Variants in FER observed in about 807,000 individuals in gnomAD.
FER encodes tyrosine-protein kinase Fer.
In FER, 63 loss-of-function variants were observed where a neutral mutation model predicts 111.0. The ratio of observed to expected loss-of-function variants is 0.57; its 90% CI spans 0.46 to 0.70. The LOEUF is 0.70. Ranked by LOEUF, FER falls within the 30% of genes least tolerant of loss-of-function variation. The pLI, the probability that FER is intolerant of heterozygous loss-of-function variation, is 0.00. For synonymous variants in FER, 327 were observed against 313.9 expected (o/e 1.04, Z -0.44); for missense variants, 914 against 954.0 (o/e 0.96, Z 0.55).
intron 3 of FER, among the ~76,000 whole-genome samples, chr5:108,820,729 A>T (rs1038615051): frequency 3.9e-5 from 6 of 152,146 alleles, no homozygotes; most frequent in African/African-American, 9.7e-5. Flanking sequence ...GGTTTTATTT[A>T]AAAAATTTAG....
intron 16 of FER, among the ~76,000 whole-genome samples, chr5:109,052,833 G>GTA (rs1351668228): frequency 6.6e-6 from 1 of 152,186 alleles, no homozygotes; most frequent in Non-Finnish European, 1.5e-5. Flanking sequence ...GTCTACCACA[G>GTA]TAGATTTTGC....
intron 17 of FER, among the ~76,000 whole-genome samples, chr5:109,144,648 C>T (rs1412626502): frequency 6.6e-6 from 1 of 152,046 alleles, no homozygotes; most frequent in Non-Finnish European, 1.5e-5. Flanking sequence ...ACTTAGCTAA[C>T]CAGAACACAA....
At chr5:109,146,741 G>T (rs1448066418) in intron 17 of FER, among the ~76,000 whole-genome samples, 1 of 150,832 alleles carries the variant, frequency 6.6e-6, no homozygotes, top group Non-Finnish European at 1.5e-5. Context: ...TGCCAGAGAT[G>T]CAGTACTGAC....
chr5:108,757,361 T>C (rs1338471612), intron 1 of FER, among the ~76,000 whole-genome samples: 1 of 152,168 alleles, frequency 6.6e-6, no homozygotes, highest in Non-Finnish European at 1.5e-5. Flanking sequence ...TGTGAAGTTA[T>C]AACATGTTTC....
At chr5:108,850,545 A>G (rs1024994860) in intron 5 of FER, among the ~76,000 whole-genome samples, 1 of 152,242 alleles carries the variant, frequency 6.6e-6, no homozygotes, top group Middle Eastern at 3.4e-3. Flanking sequence ...AAAAAATTTT[A>G]TATAAAACTT....
intron 14 of FER, among the ~76,000 whole-genome samples, chr5:109,044,357 T>G (rs146713328): frequency 0.046 from 6,925 of 151,856 alleles, 247 homozygotes; most frequent in South Asian, 0.11. Context: ...TTTTTGGTAT[T>G]TTTTTAGTAG....
At chr5:108,942,181 G>A (rs180957972) in intron 10 of FER, among the ~76,000 whole-genome samples, 10 of 152,238 alleles carry the variant, frequency 6.6e-5, no homozygotes, top group Admixed American at 4.6e-4. Flanking sequence ...TAGGACGGGA[G>A]CTAATTATAG....
intron 16 of FER, among the ~76,000 whole-genome samples, chr5:109,071,298 A>G (rs1352416877): frequency 6.6e-6 from 1 of 151,968 alleles, no homozygotes; most frequent in Admixed American, 6.6e-5. Flanking sequence ...GTCCATGGAA[A>G]TGTTTTGCTG....
intron 13 of FER, among the ~76,000 whole-genome samples, chr5:108,978,872 C>T (rs1045388461): frequency 6.6e-6 from 1 of 152,084 alleles, no homozygotes; most frequent in African/African-American, 2.4e-5. Flanking sequence ...TAGTAGTCAC[C>T]TTCAAGAAAG....
chr5:108,976,081 G>A (rs912743396), intron 13 of FER, among the ~76,000 whole-genome samples: 1 of 152,160 alleles, frequency 6.6e-6, no homozygotes, highest in Non-Finnish European at 1.5e-5. Context: ...AATACCTGAA[G>A]GTTTGGAGTA....
At chr5:108,754,650 T>G (rs1750885288) in intron 1 of FER, among the ~76,000 whole-genome samples, 1 of 152,218 alleles carries the variant, frequency 6.6e-6, no homozygotes. Context: ...TAAAAATATT[T>G]AGGTAACAGT....
Position 108,872,142 on chromosome 5 carries a change from G to A in FER, c.853G>A (p.Glu285Lys), listed in dbSNP as rs1219791654. Reference protein sequence around the residue: ...QEIEFDTSLLEENENLQANEI... With the variant: ...QEIEFDTSLLKENENLQANEI... ...AATAGAGTTTGATACTTCCTTACTGGAAGAAAATGAAAATCTTCAGGCAAA... is the reference window on the plus strand; with the variant it reads ...AATAGAGTTTGATACTTCCTTACTGAAAGAAAATGAAAATCTTCAGGCAAA... Residue 285 changes from glutamate to lysine, a missense_variant, in exon 8 of 20, where the codon GAA becomes AAA. By Grantham distance (56) the Glu-to-Lys change is moderately conservative. Coordinates refer to ENST00000281092, the MANE Select transcript of FER (RefSeq NM_005246.4). 1 of 1,611,538 alleles carries A rather than the reference G, an allele frequency of 6.2e-7. No individual in the cohort carries two copies. Among genetic ancestry groups the A allele is most frequent in the Non-Finnish European group, 8.5e-7 (1 of 1,178,764 alleles).
intron 9 of FER, among the ~76,000 whole-genome samples, chr5:108,893,354 C>A (rs1049101293): frequency 2.7e-4 from 41 of 151,248 alleles, no homozygotes; most frequent in African/African-American, 9.7e-4. Context: ...TCTATGTTAA[C>A]TCTTTTCTGC....
chr5:108,861,277 A>G lies in FER; in HGVS notation c.482-6490A>G, dbSNP rs796932820. Among the ~76,000 whole-genome samples, 3 of 152,250 alleles carry G rather than the reference A, an allele frequency of 2.0e-5. No homozygotes were observed. The South Asian group carries it at 6.2e-4, about 31-fold the overall frequency. The stretch of plus-strand genomic sequence containing the variant: ...AACACTTCAGAAGTTTATAATAAAA[A>G]AAGTGACTTTTTAGACTAGCTTAAT... On this transcript the variant is annotated intron_variant, in intron 5 of 19. Coordinates refer to ENST00000281092, the MANE Select transcript of FER (RefSeq NM_005246.4).
intron 5 of FER, among the ~76,000 whole-genome samples, chr5:108,846,514 A>G (rs1479729863): frequency 1.3e-5 from 2 of 152,212 alleles, no homozygotes; most frequent in East Asian, 1.9e-4. Context: ...TGTCCATTTC[A>G]TATAAGTTAT....
intron 13 of FER, among the ~76,000 whole-genome samples, chr5:109,001,374 G>A (rs1764743376): frequency 6.6e-6 from 1 of 152,112 alleles, no homozygotes; most frequent in Non-Finnish European, 1.5e-5. Context: ...CAGAACCAAA[G>A]ACAAAAACCA....
intron 5 of FER, among the ~76,000 whole-genome samples, chr5:108,864,459 T>C (rs1405064940): frequency 6.6e-6 from 1 of 152,130 alleles, no homozygotes; most frequent in Non-Finnish European, 1.5e-5. Context: ...GGTACTGAGA[T>C]TCTTAAATGA....
intron 13 of FER, among the ~76,000 whole-genome samples, chr5:108,974,046 C>T (rs1053515291): frequency 2.6e-5 from 4 of 152,186 alleles, no homozygotes; most frequent in Non-Finnish European, 4.4e-5. Flanking sequence ...TAGAAATTTT[C>T]GAGGAATCCC....
chr5:109,049,641 A>G (rs1160008503), intron 16 of FER, among the ~76,000 whole-genome samples: 1 of 152,176 alleles, frequency 6.6e-6, no homozygotes, highest in African/African-American at 2.4e-5. Flanking sequence ...CTGATGGACA[A>G]GGTCTACATT....
Sources: allele counts gnomAD v4.1 joint callset (sites outside exome capture counted in the v4.1 genomes callset), GRCh38; gene constraint gnomAD v4.1.1; transcripts MANE v1.5; gene names NCBI Gene and HGNC (gene_info 2026-07-23, HGNC 2026-07-21).